OTOGL: variants seen among roughly 807,000 people sequenced by gnomAD.
OTOGL encodes otogelin-like protein.
In OTOGL, 285 loss-of-function variants were observed where a neutral mutation model predicts 318.5. The ratio of observed to expected loss-of-function variants is 0.89; its 90% CI spans 0.81 to 0.99. The LOEUF is 0.99. Ranked by LOEUF, OTOGL falls within the 50% of genes least tolerant of loss-of-function variation. OTOGL has a pLI of 0.00. For synonymous variants in OTOGL, 987 were observed against 936.5 expected, an observed-to-expected ratio of 1.05 and a Z score of -0.99; for missense variants, 2,899 against 2,845.6, an observed-to-expected ratio of 1.02 and a Z score of -0.43.
intron 29 of OTOGL, among the ~76,000 whole-genome samples, chr12:80,310,256 A>G (rs1235659075): frequency 2.0e-5 from 3 of 152,202 alleles, no homozygotes; most frequent in Admixed American, 6.5e-5. Flanking sequence ...ACTTGGGTGC[A>G]TATAACCTCT....
At chr12:80,253,630 T>A in intron 14 of OTOGL, 56 bp downstream of exon 14, 1 of 1,363,260 alleles carries the variant, frequency 7.3e-7, no homozygotes, top group Non-Finnish European at 1.0e-6. Context: ...TTGACAACTT[T>A]ACCATGACAG....
At chr12:80,256,529 G>T (rs374050505) in intron 17 of OTOGL, 69 bp downstream of exon 17, 11 of 579,916 alleles carry the variant, frequency 1.9e-5, no homozygotes, top group South Asian at 1.3e-4. Context: ...AACAACACAC[G>T]CAAACAAAAT....
At chr12:80,254,734 A>G (rs1881876980) in intron 15 of OTOGL, among the ~76,000 whole-genome samples, 164 bp downstream of exon 15, 1 of 152,050 alleles carries the variant, frequency 6.6e-6, no homozygotes, top group South Asian at 2.1e-4. Context: ...AAGTGATAGC[A>G]TTGAGTGGGC....
chr12:80,261,900 T>G, intron 18 of OTOGL, 69 bp from the exon 19 acceptor site: 1 of 1,512,500 alleles, frequency 6.6e-7, no homozygotes, highest in Non-Finnish European at 8.9e-7. Context: ...TTCTCTTATT[T>G]AAATATCTGA....
chr12:80,212,024 A>G, intron 4 of OTOGL, 27 bp downstream of exon 4: 2 of 1,543,154 alleles, frequency 1.3e-6, no homozygotes, highest in Non-Finnish European at 1.7e-6. Flanking sequence ...GTGGAGAGAG[A>G]GGCAGAGAAA....
chr12:80,243,979 C>T (rs1383580998), intron 11 of OTOGL, among the ~76,000 whole-genome samples: 4 of 150,536 alleles, frequency 2.7e-5, no homozygotes, highest in Non-Finnish European at 5.9e-5. Context: ...CCAGTACAAA[C>T]TAGGCGCAGA....
intron 11 of OTOGL, among the ~76,000 whole-genome samples, chr12:80,244,733 A>G (rs1490526480): frequency 1.3e-5 from 2 of 148,498 alleles, no homozygotes; most frequent in Non-Finnish European, 2.9e-5. Flanking sequence ...ATCCCTGAGG[A>G]ATCACCACAA....
At chr12:80,367,527 A>C (rs373768033) in intron 53 of OTOGL, 34 bp from the exon 54 acceptor site, 2 of 1,411,500 alleles carry the variant, frequency 1.4e-6, no homozygotes, top group Non-Finnish European at 1.9e-6. Context: ...ACTCAACAGT[A>C]TATTTTCTTA....
At chr12:80,309,078 A>G (rs1886455976) in intron 29 of OTOGL, among the ~76,000 whole-genome samples, 1 of 152,210 alleles carries the variant, frequency 6.6e-6, no homozygotes, top group Non-Finnish European at 1.5e-5. Flanking sequence ...AACCGCCTCA[A>G]AATAAATTTT....
chr12:80,371,983 A>G lies in OTOGL; in HGVS notation c.6736-36A>G, dbSNP rs771437652. On this transcript the variant is annotated intron_variant, in intron 56 of 58. Transcript: ENST00000547103. ...GTACAAGAGAACATGGAAGAACACC[A>G]TATTCTTTGACTTTATTGCTTTTTT... 4 of 1,400,182 alleles carry G rather than the reference A, an allele frequency of 2.9e-6. No homozygotes were observed. The Admixed American group carries it at 8.7e-5, about 30-fold the overall frequency. 86.7% of individuals were successfully genotyped at this position (1,400,182 alleles called of 1,614,324 possible).
chr12:80,253,184 A>T (rs970110198), intron 13 of OTOGL, among the ~76,000 whole-genome samples: 2 of 151,996 alleles, frequency 1.3e-5, no homozygotes, highest in Non-Finnish European at 2.9e-5. Flanking sequence ...TCCTCCCTCA[A>T]ATGCAAGGAA....
chr12:80,100,928 C>A (rs1219173076), intron 1 of OTOGL, among the ~76,000 whole-genome samples: 5 of 151,986 alleles, frequency 3.3e-5, no homozygotes, highest in Admixed American at 6.6e-5. Flanking sequence ...TTGCAGTTGT[C>A]AAGGCTTAGT....
intron 12 of OTOGL, 69 bp downstream of exon 12, chr12:80,251,868 T>C (rs1003085331): frequency 7.4e-7 from 1 of 1,359,002 alleles, no homozygotes; most frequent in African/African-American, 1.5e-5. Context: ...AACTCAAAAC[T>C]TACTGTACTA....
intron 1 of OTOGL, among the ~76,000 whole-genome samples, chr12:80,146,989 T>A (rs1216062688): frequency 6.6e-6 from 1 of 152,156 alleles, no homozygotes; most frequent in African/African-American, 2.4e-5. Flanking sequence ...ATTTTGTTGA[T>A]CCTTTCAAAA....
At chr12:80,346,652 TCACTCCTTCTGCC>T (rs1346464988) in intron 44 of OTOGL, among the ~76,000 whole-genome samples, 2 of 152,206 alleles carry the variant, frequency 1.3e-5, no homozygotes, top group African/African-American at 4.8e-5. Context: ...CCTATCTTTT[TCACTCCTTCTGCC>T]CACACCCCGC....
At chr12:80,254,895 T>C in intron 15 of OTOGL, 145 bp from the exon 16 acceptor site, 4 of 656,484 alleles carry the variant, frequency 6.1e-6, no homozygotes, top group Non-Finnish European at 9.2e-6. Context: ...TACAACACAG[T>C]AGATTTTCAA....
chr12:80,183,068 A>G (rs1013132540), intron 1 of OTOGL, among the ~76,000 whole-genome samples: 11 of 152,230 alleles, frequency 7.2e-5, no homozygotes, highest in Non-Finnish European at 1.2e-4. Context: ...GAAAAGTGAG[A>G]AAATTTTTAT....
At position 80,257,818 on chromosome 12, in the gene OTOGL, C is replaced by A; in HGVS notation, c.1712-7C>A. The A allele has an allele frequency of 6.4e-7, 1 of 1,563,064 alleles. No homozygotes were observed. ...AAAGCTGATTTACGTATGTTCTTTT[C>A]CTGCAGGTATTGTTGAAATTCAAAC... On this transcript the variant is annotated splice_polypyrimidine_tract_variant and splice_region_variant and intron_variant, in intron 17 of 58. Transcript: ENST00000547103.
chr12:80,313,747 A>T (rs1020706137), intron 31 of OTOGL, 115 bp downstream of exon 31: 10 of 855,342 alleles, frequency 1.2e-5, no homozygotes, highest in Middle Eastern at 3.5e-4. Context: ...AATTAAATTA[A>T]AATGACTAAA....
Sources: gnomAD v4.1 joint callset for allele counts (sites outside exome capture counted in the v4.1 genomes callset) on GRCh38, gnomAD v4.1.1 for gene constraint, MANE v1.5 for transcripts, NCBI Gene and HGNC (gene_info 2026-07-23, HGNC 2026-07-21) for gene names.